Variants in BRDT observed in about 807,000 individuals in gnomAD.
The protein encoded by BRDT is bromodomain testis associated.
BRDT carries 77 observed loss-of-function variants against 113.9 expected under a neutral mutation model. That is an observed-to-expected ratio of 0.68 (90% CI 0.56 to 0.82). The LOEUF (loss-of-function observed/expected upper bound fraction) is 0.82, where lower values mean the gene tolerates loss of function less well. BRDT is among the 40% of genes least tolerant of loss of function. The probability of loss-of-function intolerance (pLI) is 0.00; values close to 1 mark genes in which losing one functional copy is unlikely to be tolerated. For synonymous variants in BRDT, 358 were observed against 366.5 expected, an observed-to-expected ratio of 0.98 and a Z score of 0.26; for missense variants, 1,027 against 1,105.4, an observed-to-expected ratio of 0.93 and a Z score of 1.01.
At position 92,004,505 on chromosome 1, in the gene BRDT, A is replaced by G. The variant is rs748174724; in HGVS notation, c.2480A>G (p.Asn827Ser). Residue 827 changes from asparagine to serine, a missense_variant, in exon 17 of 19, where the codon AAC becomes AGC. Transcript: ENST00000399546. ...ATGAAATCCTCAGATGAGCTCTTCA[A>G]CCAATTTAGAAAAGCAGCCATAGAA... ...GVMKSSDELFNQFRKAAIEKE... is the reference protein window; with the variant it reads ...GVMKSSDELFSQFRKAAIEKE... 4.3e-6 allele frequency: 7 copies of G among 1,613,490 alleles called. No homozygotes were observed. The African/African-American group carries it at 5.3e-5, about 12-fold the overall frequency.
intron 4 of BRDT, among the ~76,000 whole-genome samples, chr1:91,973,734 T>C (rs1013261755): frequency 6.6e-6 from 1 of 152,170 alleles, no homozygotes. Context: ...ACAGGGACAA[T>C]TTGACTTCCT....
chr1:91,964,655 T>A lies in BRDT; in HGVS notation c.221T>A (p.Met74Lys). The A allele has an allele frequency of 6.9e-7, 1 of 1,457,254 alleles. No homozygotes were observed. The highest frequency in any genetic ancestry group is 9.4e-7 in the Non-Finnish European group (1 of 1,062,132). The allele number at this position is 1,457,254 out of a possible 1,614,324, so 90.3% of individuals were successfully genotyped here. A position where few individuals can be genotyped will look rare whatever the true frequency, so the allele number is the denominator to read the frequency against. Residue 74 changes from methionine (M) to lysine (K), a missense_variant, in exon 3 of 19, where the codon ATG becomes AAG. By Grantham distance (95) the Met-to-Lys change is moderately conservative. Transcript: ENST00000399546. ...TATTATACCATTATAAAAAACCCAA[T>A]GGATTTAAATACAATTAAGAAGCGC... ...PDYYTIIKNP[M>K]DLNTIKKRLE...
intron 15 of BRDT, among the ~76,000 whole-genome samples, chr1:91,994,774 A>G (rs1272816327): frequency 2.7e-5 from 4 of 145,530 alleles, no homozygotes; most frequent in African/African-American, 1.0e-4. Flanking sequence ...AGGCTGAGGC[A>G]GGAGAATGGC....
intron 14 of BRDT, among the ~76,000 whole-genome samples, chr1:91,993,675 G>A (rs1686005634): frequency 6.6e-6 from 1 of 152,146 alleles, no homozygotes; most frequent in Non-Finnish European, 1.5e-5. Flanking sequence ...AAGGAAAAAT[G>A]GCTAAAGTAA....
chr1:92,009,573 A>G lies in BRDT; in HGVS notation c.2775+4274A>G, dbSNP rs191695530. ...TTTTTTTTTTTTTTTTTCTCTTGAC[A>G]CAGTCTCACTCTGTTGCCCAGGCTG... On this transcript the variant is annotated intron_variant, in intron 18 of 18. Coordinates refer to ENST00000399546, the MANE Select transcript of BRDT (RefSeq NM_207189.4). Among the ~76,000 whole-genome samples, 419 of 46,638 alleles carry G rather than the reference A, an allele frequency of 9.0e-3. 5 individuals carry two copies. Among genetic ancestry groups the G allele is most frequent in the African/African-American group, 0.024 (406 of 16,592 alleles). 30.6% of individuals were successfully genotyped at this position (46,638 alleles called of 152,430 possible).
intron 18 of BRDT, among the ~76,000 whole-genome samples, chr1:92,012,836 C>T (rs1160783179): frequency 2.0e-5 from 3 of 151,454 alleles, no homozygotes; most frequent in South Asian, 2.1e-4. Context: ...CCTGAGCCTG[C>T]GAGGCAGAGG....
At chr1:91,985,079 T>C (rs1223010218) in intron 12 of BRDT, among the ~76,000 whole-genome samples, 1 of 152,076 alleles carries the variant, frequency 6.6e-6, no homozygotes, top group Non-Finnish European at 1.5e-5. Context: ...ATTATTATTA[T>C]TATTTTATTT....
intron 16 of BRDT, 29 bp from the exon 17 acceptor site, chr1:92,004,385 A>G: frequency 6.4e-7 from 1 of 1,551,122 alleles, no homozygotes; most frequent in Non-Finnish European, 8.7e-7. Context: ...ACATCTGTAG[A>G]CATAGACTGA....
At chr1:92,001,672 G>T (rs1686857357) in intron 15 of BRDT, among the ~76,000 whole-genome samples, 1 of 151,480 alleles carries the variant, frequency 6.6e-6, no homozygotes, top group Non-Finnish European at 1.5e-5. Flanking sequence ...CTTCAGCCTA[G>T]AGCATCAAAG....
At chr1:91,979,441 A>T (rs1684508409) in intron 7 of BRDT, 128 bp from the exon 8 acceptor site, 1 of 905,516 alleles carries the variant, frequency 1.1e-6, no homozygotes, top group Non-Finnish European at 1.7e-6. Context: ...GTTTCTTCTG[A>T]TATATCTTAA....
chr1:92,000,602 G>A (rs1380970466), intron 15 of BRDT, among the ~76,000 whole-genome samples: 2 of 152,146 alleles, frequency 1.3e-5, no homozygotes, highest in African/African-American at 4.8e-5. Context: ...AAGCTTAAAT[G>A]TAAGTCCCTA....
chr1:91,999,149 G>A (rs369329647), intron 15 of BRDT, among the ~76,000 whole-genome samples: 13 of 152,006 alleles, frequency 8.6e-5, no homozygotes, highest in African/African-American at 2.9e-4. Context: ...AGTGATAGAA[G>A]GAAAGAGAAG....
chr1:91,991,123 T>C, intron 12 of BRDT, 61 bp from the exon 13 acceptor site: 1 of 1,124,646 alleles, frequency 8.9e-7, no homozygotes, highest in Non-Finnish European at 1.3e-6. Context: ...TATGGAAAAA[T>C]TATAACTTGG....
chr1:91,976,319 G>T lies in BRDT; in HGVS notation c.499G>T (p.Ala167Ser). The T allele has an allele frequency of 6.2e-7, 1 of 1,611,604 alleles. No individual in the cohort carries two copies. Among genetic ancestry groups the T allele is most frequent in the Non-Finnish European group, 8.5e-7 (1 of 1,179,106 alleles). The change falls in exon 5 of 19, where the codon GCA (alanine) becomes TCA (serine). Residue 167 changes from alanine to serine, a missense_variant. Ala to Ser is a moderately conservative substitution (Grantham distance 99). Transcript: ENST00000399546. The stretch of plus-strand genomic sequence containing the variant: ...TGCTAAAGAAAAATCATCACCCAGC[G>T]CAACAGAAAAAGTATTTAAGCAGCA... Reference protein sequence around the residue: ...SSAKEKSSPSATEKVFKQQEI... With the variant: ...SSAKEKSSPSSTEKVFKQQEI...
chr1:91,979,648 T>C lies in BRDT; in HGVS notation c.1178T>C (p.Ile393Thr), dbSNP rs372673715. The change falls in exon 8 of 19, where the codon ATC becomes ACC. Residue 393 changes from isoleucine (I) to threonine (T), a missense_variant. Transcript: ENST00000399546. ...SMPLCYIKTD[I>T]TETTGRENTN... Reference sequence around the variant, plus strand: ...CCTTTATGTTACATCAAAACAGATATCACAGAAACCACTGGTAGAGAGAAC... The same window carrying C: ...CCTTTATGTTACATCAAAACAGATACCACAGAAACCACTGGTAGAGAGAAC... The C allele has an allele frequency of 1.1e-5, 18 of 1,614,056 alleles. No individual in the cohort carries two copies. In the East Asian group the frequency reaches 2.7e-4, roughly 24 times the overall value.
At chr1:91,978,101 A>G in intron 6 of BRDT, 67 bp from the exon 7 acceptor site, 2 of 1,388,438 alleles carry the variant, frequency 1.4e-6, no homozygotes, top group Non-Finnish European at 2.0e-6. Context: ...ATGAACATTT[A>G]ATGTACGTGG....
At chr1:91,993,318 A>T (rs755745566) in intron 14 of BRDT, among the ~76,000 whole-genome samples, 3 of 152,226 alleles carry the variant, frequency 2.0e-5, no homozygotes, top group Non-Finnish European at 4.4e-5. Context: ...TGTACCATCT[A>T]CAACTCAGAG....
chr1:91,951,397 TCAG>T (rs1436873219), intron 1 of BRDT, among the ~76,000 whole-genome samples: 1 of 152,056 alleles, frequency 6.6e-6, no homozygotes, highest in Non-Finnish European at 1.5e-5. Flanking sequence ...TAAATTATAT[TCAG>T]CAGTCATTTG....
At chr1:91,991,566 T>C (rs1310928963) in intron 13 of BRDT, among the ~76,000 whole-genome samples, 1 of 152,168 alleles carries the variant, frequency 6.6e-6, no homozygotes, top group Admixed American at 6.6e-5. Context: ...TACAAAACTA[T>C]GCGTACAGTG....
Sources: gnomAD v4.1 joint callset for allele counts (sites outside exome capture counted in the v4.1 genomes callset) on GRCh38, gnomAD v4.1.1 for gene constraint, MANE v1.5 for transcripts, NCBI Gene and HGNC (gene_info 2026-07-23, HGNC 2026-07-21) for gene names.